MAPK10: variants seen among roughly 807,000 people sequenced by gnomAD.
MAPK10 encodes the protein JNK3 alpha protein kinase.
In MAPK10, 25 loss-of-function variants were observed where a neutral mutation model predicts 59.3. The observed-to-expected ratio is 0.42, with a 90% confidence interval of 0.31 to 0.59. The LOEUF (loss-of-function observed/expected upper bound fraction) is 0.59, where lower values mean the gene tolerates loss of function less well. Ranked by LOEUF, MAPK10 falls within the 20% of genes least tolerant of loss-of-function variation. The probability of loss-of-function intolerance (pLI) is 0.15; values close to 1 mark genes in which losing one functional copy is unlikely to be tolerated. For synonymous variants in MAPK10, 190 were observed against 200.5 expected, an observed-to-expected ratio of 0.95 and a Z score of 0.44; for missense variants, 351 against 568.9, an observed-to-expected ratio of 0.62 and a Z score of 3.90.
At chr4:86,106,418 TATAATA>T (rs1349457123) in intron 5 of MAPK10, among the ~76,000 whole-genome samples, 2 of 149,038 alleles carry the variant, frequency 1.3e-5, no homozygotes, top group Non-Finnish European at 3.0e-5. Flanking sequence ...AAATTTTATT[TATAATA>T]ATTTATAATT....
At chr4:86,092,712 C>G (rs1256539945) in intron 9 of MAPK10, among the ~76,000 whole-genome samples, 1 of 151,734 alleles carries the variant, frequency 6.6e-6, no homozygotes, top group East Asian at 1.9e-4. Flanking sequence ...GTGCATAGAC[C>G]TTAGAAGTAA....
At chr4:86,331,381 G>A (rs2096149418) in intron 2 of MAPK10, among the ~76,000 whole-genome samples, 1 of 152,088 alleles carries the variant, frequency 6.6e-6, no homozygotes, top group Non-Finnish European at 1.5e-5. Context: ...GACCAGCTTG[G>A]TTATTTTCTT....
chr4:86,422,252 T>C (rs866717504), intron 1 of MAPK10, among the ~76,000 whole-genome samples: 1 of 152,284 alleles, frequency 6.6e-6, no homozygotes, highest in South Asian at 2.1e-4. Flanking sequence ...TAATCTACAA[T>C]ATACAGGCGT....
chr4:86,507,745 C>T (rs551402274), intron 1 of MAPK10, among the ~76,000 whole-genome samples: 20 of 143,112 alleles, frequency 1.4e-4, no homozygotes, highest in African/African-American at 3.9e-4. Context: ...TAGAATTATA[C>T]TGTGAAAGTT....
At chr4:86,542,206 G>A (rs531945160) in intron 1 of MAPK10, among the ~76,000 whole-genome samples, 5 of 152,176 alleles carry the variant, frequency 3.3e-5, no homozygotes, top group East Asian at 3.9e-4. Context: ...GGTATGTCAC[G>A]TCATTGGCCT....
At chr4:86,475,960 G>T (rs962414043) in intron 1 of MAPK10, among the ~76,000 whole-genome samples, 1 of 151,966 alleles carries the variant, frequency 6.6e-6, no homozygotes, top group Admixed American at 6.6e-5. Flanking sequence ...ATACAAACTC[G>T]ACAGTGGTTC....
chr4:86,374,804 A>G (rs981775349), intron 1 of MAPK10, among the ~76,000 whole-genome samples: 1 of 152,212 alleles, frequency 6.6e-6, no homozygotes, highest in African/African-American at 2.4e-5. Flanking sequence ...ATCCCCATTC[A>G]TATACACAAC....
Position 86,302,545 on chromosome 4 carries a change from G to A in MAPK10, c.-7+51985C>T, listed in dbSNP as rs1396140273. 2.0e-5 allele frequency among the ~76,000 whole-genome samples: 3 copies of A among 152,304 alleles called. No homozygotes were observed. The South Asian group carries it at 6.2e-4, about 32-fold the overall frequency. On this transcript the variant is annotated intron_variant, in intron 2 of 13. Transcript: ENST00000641462. ...AGTGAACTGTGTTAGTAAACAGTTT[G>A]AGTTCTCTCACCTGCCAGGGCATAA...
intron 2 of MAPK10, among the ~76,000 whole-genome samples, chr4:86,205,752 C>T (rs149219429): frequency 3.4e-4 from 52 of 151,884 alleles, no homozygotes; most frequent in Non-Finnish European, 6.0e-4. Context: ...AATTTGATAT[C>T]ATTTCAAATC....
intron 1 of MAPK10, among the ~76,000 whole-genome samples, chr4:86,386,615 C>T (rs779610219): frequency 6.6e-5 from 10 of 151,946 alleles, no homozygotes; most frequent in Non-Finnish European, 1.3e-4. Flanking sequence ...AGATTCCAGG[C>T]ACAGCAGGGG....
intron 9 of MAPK10, among the ~76,000 whole-genome samples, chr4:86,085,342 A>G (rs1177954074): frequency 6.6e-6 from 1 of 152,164 alleles, no homozygotes. Context: ...TTTGCAAACT[A>G]CTCATCTGAC....
At chr4:86,319,168 A>C (rs2095844182) in intron 2 of MAPK10, among the ~76,000 whole-genome samples, 1 of 152,152 alleles carries the variant, frequency 6.6e-6, no homozygotes, top group African/African-American at 2.4e-5. Flanking sequence ...TTGATAAAGG[A>C]AGAGACAAGT....
intron 2 of MAPK10, among the ~76,000 whole-genome samples, chr4:86,243,216 G>C (rs1047154362): frequency 1.3e-5 from 2 of 152,112 alleles, no homozygotes; most frequent in Non-Finnish European, 2.9e-5. Context: ...CAACTCAGCT[G>C]CTTCTAGTAA....
At chr4:86,464,511 C>T (rs1752018837) in intron 1 of MAPK10, among the ~76,000 whole-genome samples, 1 of 152,220 alleles carries the variant, frequency 6.6e-6, no homozygotes, top group African/African-American at 2.4e-5. Context: ...CAATTGCAAA[C>T]AGCAGTTAAG....
rs1204725779 is a variant in MAPK10 at position 86,560,741 on chromosome 4, T to C, written c.-263+33169A>G. Reference sequence around the variant, plus strand: ...GGCAAAAACTGTGCAATAATCCTTTTTGACCCCAGGATAGGAATCTTGGGA... The same window carrying C: ...GGCAAAAACTGTGCAATAATCCTTTCTGACCCCAGGATAGGAATCTTGGGA... On this transcript the variant is annotated intron_variant, in intron 1 of 4. Transcript: ENST00000502302. Among the ~76,000 whole-genome samples, 3 of 152,348 alleles carry C rather than the reference T, an allele frequency of 2.0e-5. No homozygotes were observed. The East Asian group carries it at 5.8e-4, about 29-fold the overall frequency.
intron 11 of MAPK10, among the ~76,000 whole-genome samples, chr4:86,044,301 T>A (rs1405911223): frequency 1.3e-5 from 2 of 152,136 alleles, no homozygotes; most frequent in East Asian, 3.9e-4. Context: ...CACATTGAAA[T>A]CATCTGGGAG....
At chr4:86,162,674 A>G (rs1387697199) in intron 3 of MAPK10, among the ~76,000 whole-genome samples, 3 of 151,944 alleles carry the variant, frequency 2.0e-5, no homozygotes, top group Admixed American at 2.0e-4. Flanking sequence ...GACAACTTTC[A>G]CAGTAGCAAC....
intron 1 of MAPK10, among the ~76,000 whole-genome samples, chr4:86,392,735 T>C (rs1742403556): frequency 6.6e-6 from 1 of 152,078 alleles, no homozygotes; most frequent in Admixed American, 6.6e-5. Flanking sequence ...CTGAAAAAAA[T>C]GCTGCAAGCA....
intron 1 of MAPK10, among the ~76,000 whole-genome samples, chr4:86,388,808 TG>T (rs1241826348): frequency 3.3e-5 from 5 of 152,166 alleles, no homozygotes; most frequent in Non-Finnish European, 5.9e-5. Context: ...GAAACACAGA[TG>T]CATGAAATGT....
Sources: allele counts gnomAD v4.1 joint callset (sites outside exome capture counted in the v4.1 genomes callset), GRCh38; gene constraint gnomAD v4.1.1; transcripts MANE v1.5; gene names NCBI Gene and HGNC (gene_info 2026-07-23, HGNC 2026-07-21).